The following NR2C1 variants were observed in gnomAD, a reference collection of about 807,000 sequenced individuals.
The protein encoded by NR2C1 is nuclear receptor subfamily 2 group C member 1, also known as TR2 nuclear hormone receptor.
In NR2C1, 33 loss-of-function variants were observed where a neutral mutation model predicts 74.8. The ratio of observed to expected loss-of-function variants is 0.44; its 90% CI spans 0.33 to 0.59. NR2C1 has a LOEUF of 0.59. Ranked by LOEUF, NR2C1 falls within the 20% of genes least tolerant of loss-of-function variation. The pLI is 0.02. For missense variants in NR2C1, 568 were observed against 715.6 expected, an observed-to-expected ratio of 0.79 and a Z score of 2.35; for synonymous variants, 225 against 240.6, an observed-to-expected ratio of 0.94 and a Z score of 0.60.
intron 1 of NR2C1, among the ~76,000 whole-genome samples, chr12:95,072,296 AC>A (rs200956028): frequency 0.13 from 15,353 of 114,214 alleles, 1,213 homozygotes; most frequent in African/African-American, 0.25. Context: ...AAAAACAAAA[AC>A]AAAAAAACTA....
At chr12:95,040,677 G>GTA in intron 9 of NR2C1, 80 bp from the exon 10 acceptor site, 4 of 1,325,518 alleles carry the variant, frequency 3.0e-6, no homozygotes, top group Non-Finnish European at 4.1e-6. Flanking sequence ...AAGTTTAAAC[G>GTA]TAACACATCA....
chr12:95,045,913 A>T (rs1872251974), intron 9 of NR2C1, among the ~76,000 whole-genome samples: 1 of 152,052 alleles, frequency 6.6e-6, no homozygotes, highest in East Asian at 1.9e-4. Context: ...ATCTTGGCTC[A>T]CGGCAACCTC....
chr12:95,062,731 G>A lies in NR2C1; in HGVS notation c.62C>T (p.Thr21Ile), dbSNP rs1344458166. 8 of 1,610,358 alleles carry A rather than the reference G, an allele frequency of 5.0e-6. No homozygotes were observed. Among genetic ancestry groups the A allele is most frequent in the African/African-American group, 2.7e-5 (2 of 74,842 alleles). ...GATTTTCTGCCCAGTTTGCTGCTCT[G>A]TAACAATCTAACAAAATCATGAAAA... is the stretch of plus-strand genomic sequence containing the variant. ...IIEQQMGEIV[T>I]EQQTGQKIQI... Residue 21 changes from threonine to isoleucine, a missense_variant, in exon 3 of 14, where the codon ACA (threonine) becomes ATA (isoleucine). Physicochemically the swap from Thr to Ile is moderately conservative, Grantham distance 89 (BLOSUM62 -1). Coordinates refer to ENST00000333003, the MANE Select transcript of NR2C1 (RefSeq NM_003297.4).
chr12:95,052,371 G>A (rs966277575), intron 7 of NR2C1, among the ~76,000 whole-genome samples: 2 of 152,154 alleles, frequency 1.3e-5, no homozygotes, highest in African/African-American at 2.4e-5. Context: ...GGCTAAGATG[G>A]TCTTGATCTC....
At chr12:95,054,978 A>G (rs1329969930) in intron 7 of NR2C1, among the ~76,000 whole-genome samples, 1 of 152,160 alleles carries the variant, frequency 6.6e-6, no homozygotes, top group East Asian at 1.9e-4. Context: ...TGCTGCCTTC[A>G]AGCATCTGTT....
chr12:95,040,425 T>C, intron 10 of NR2C1, 51 bp downstream of exon 10: 1 of 1,550,806 alleles, frequency 6.4e-7, no homozygotes, highest in South Asian at 1.2e-5. Context: ...TTGTTTAATG[T>C]ACATTTGCAC....
At chr12:95,070,697 C>G (rs893040708) in intron 1 of NR2C1, among the ~76,000 whole-genome samples, 1 of 152,158 alleles carries the variant, frequency 6.6e-6, no homozygotes, top group Non-Finnish European at 1.5e-5. Context: ...AACCCCTTCC[C>G]TTGGTATTCA....
Position 95,067,218 on chromosome 12 carries a change from A to G in NR2C1, c.54+113T>C, listed in dbSNP as rs1019952918. On this transcript the variant is annotated intron_variant, in intron 2 of 13. Transcript: ENST00000333003. ...CTATCTCTCAGTAGCTTGAAAAGCT[A>G]TCTTAAGTTAGGGAATATCTTTTAT... 25 of 843,438 alleles carry G rather than the reference A, an allele frequency of 3.0e-5. No homozygotes were observed. The African/African-American group carries it at 4.2e-4, about 14-fold the overall frequency. 52.2% of individuals were successfully genotyped at this position (843,438 alleles called of 1,614,324 possible).
At chr12:95,057,020 C>T (rs972042435) in intron 7 of NR2C1, among the ~76,000 whole-genome samples, 12 of 148,570 alleles carry the variant, frequency 8.1e-5, no homozygotes, top group Non-Finnish European at 1.6e-4. Context: ...ACTCGTATTT[C>T]AAGATGAGGG....
chr12:95,055,279 G>A (rs1873671299), intron 7 of NR2C1, among the ~76,000 whole-genome samples: 2 of 152,198 alleles, frequency 1.3e-5, no homozygotes, highest in Non-Finnish European at 2.9e-5. Context: ...CAGTGTCTGG[G>A]CAGAGTAGTT....
chr12:95,072,823 C>G (rs1430659544), intron 1 of NR2C1: 1 of 152,334 alleles, frequency 6.6e-6, no homozygotes, highest in African/African-American at 2.4e-5. Context: ...AGCGACGACC[C>G]TGGCCAGATT....
At chr12:95,072,474 AG>A (rs1565883990) in intron 1 of NR2C1, among the ~76,000 whole-genome samples, 3 of 150,000 alleles carry the variant, frequency 2.0e-5, no homozygotes, top group African/African-American at 2.5e-5. Flanking sequence ...AAAAAAAAAA[AG>A]AAAAAAAAAT....
At chr12:95,028,306 C>T (rs1042546628) in intron 12 of NR2C1, 81 bp downstream of exon 12, 1 of 1,170,710 alleles carries the variant, frequency 8.5e-7, no homozygotes, top group Non-Finnish European at 1.2e-6. Flanking sequence ...ATTTTACATC[C>T]CCACTTGCAA....
chr12:95,029,760 T>C (rs1468602529), intron 11 of NR2C1, among the ~76,000 whole-genome samples: 5 of 152,020 alleles, frequency 3.3e-5, no homozygotes, highest in African/African-American at 9.7e-5. Context: ...AGTTTCACCA[T>C]GTTTGCCGGG....
chr12:95,043,689 CAA>C (rs34229669), intron 9 of NR2C1, among the ~76,000 whole-genome samples: 5 of 94,260 alleles, frequency 5.3e-5, no homozygotes, highest in Admixed American at 1.1e-4. Flanking sequence ...GACTCTGTCT[CAA>C]AAAAAAAAAA....
rs1396838255 is a variant in NR2C1, at chr12:95,029,848, C to T, written c.1394-1324G>A. Among the ~76,000 whole-genome samples the T allele has an allele frequency of 3.3e-5, 5 of 152,058 alleles. No homozygotes were observed. In the South Asian group the frequency reaches 8.3e-4, roughly 25 times the overall value. ...CTGGGATTACAGGCGTGAGCTACCG[C>T]GCCCAACACCCCCCTCCCCACCCTT... On this transcript the variant is annotated intron_variant, in intron 11 of 13. Transcript: ENST00000333003.
At chr12:95,046,703 C>A (rs1173053945) in intron 9 of NR2C1, among the ~76,000 whole-genome samples, 6 of 152,050 alleles carry the variant, frequency 3.9e-5, no homozygotes, top group African/African-American at 1.4e-4. Flanking sequence ...AACAGAGGAA[C>A]AAAATGCTAT....
chr12:95,041,694 AC>A (rs1325146748), intron 9 of NR2C1, among the ~76,000 whole-genome samples: 12 of 152,172 alleles, frequency 7.9e-5, no homozygotes, highest in Non-Finnish European at 1.2e-4. Context: ...GATACAGAAA[AC>A]CAAGTACACA....
At chr12:95,044,603 G>A (rs1467623509) in intron 9 of NR2C1, among the ~76,000 whole-genome samples, 1 of 152,148 alleles carries the variant, frequency 6.6e-6, no homozygotes, top group Admixed American at 6.5e-5. Context: ...ATCACTGGAT[G>A]GCCGGGTGTG....
Sources: gnomAD v4.1 joint callset for allele counts (sites outside exome capture counted in the v4.1 genomes callset) on GRCh38, gnomAD v4.1.1 for gene constraint, MANE v1.5 for transcripts, NCBI Gene and HGNC (gene_info 2026-07-23, HGNC 2026-07-21) for gene names.